Variants in DAB2IP observed in about 807,000 individuals in gnomAD.
DAB2IP encodes the protein DAB2 interacting protein, also known as disabled homolog 2-interacting protein.
Under a neutral mutation model 107.2 loss-of-function variants are expected in DAB2IP, and 28 were observed. That is an observed-to-expected ratio of 0.26 (90% confidence interval 0.19 to 0.36). The LOEUF is 0.36. DAB2IP is among the 10% of genes least tolerant of loss of function. The pLI, the probability that DAB2IP is intolerant of heterozygous loss-of-function variation, is 1.00. For missense variants in DAB2IP, 1,400 were observed against 1,644.7 expected (o/e 0.85, Z 2.57); for synonymous variants, 755 against 706.4 (o/e 1.07, Z -1.09).
rs1554718106 is a variant in DAB2IP, at chr9:121,641,935, T to TTCTTTCTTTCTTTCTTTCTTTCTG, written c.41-36740_41-36739insTTCTTTCTTTCTTTCTTTCTGTCT. Among the ~76,000 whole-genome samples, 32 of 113,698 alleles carry TTCTTTCTTTCTTTCTTTCTTTCTG rather than the reference T, an allele frequency of 2.8e-4. 1 individual carries two copies. Among genetic ancestry groups the TTCTTTCTTTCTTTCTTTCTTTCTG allele is most frequent in the African/African-American group, 8.9e-4 (21 of 23,486 alleles). 74.6% of individuals were successfully genotyped at this position (113,698 alleles called of 152,430 possible). On this transcript the variant is annotated intron_variant, in intron 1 of 16. Transcript: ENST00000259371. Reference sequence around the variant, plus strand: ...TTTCTTTCTTTCTTTCTTTCTTTCTTTCTCTCTTTCTTTCCTTTCTTTCTT... The same window carrying TTCTTTCTTTCTTTCTTTCTTTCTG: ...TTTCTTTCTTTCTTTCTTTCTTTCTTTCTTTCTTTCTTTCTTTCTTTCTGTCTCTCTTTCTTTCCTTTCTTTCTT...
intron 3 of DAB2IP, among the ~76,000 whole-genome samples, chr9:121,743,660 G>C (rs922012490): frequency 6.6e-6 from 1 of 152,238 alleles, no homozygotes; most frequent in African/African-American, 2.4e-5. Flanking sequence ...GCGGACAGCA[G>C]GAAGGCTCGC....
At chr9:121,718,887 T>TC (rs1412802367) in intron 3 of DAB2IP, among the ~76,000 whole-genome samples, 1 of 152,066 alleles carries the variant, frequency 6.6e-6, no homozygotes, top group African/African-American at 2.4e-5. Context: ...CTGGCTCTGC[T>TC]CCCCCTCCCC....
At chr9:121,742,973 T>C (rs555253979) in intron 3 of DAB2IP, 2 of 985,276 alleles carry the variant, frequency 2.0e-6, no homozygotes, top group Non-Finnish European at 2.4e-6. Flanking sequence ...GAAGAGACAC[T>C]GGAGGATGTG....
intron 1 of DAB2IP, among the ~76,000 whole-genome samples, chr9:121,579,551 G>T (rs1283582335): frequency 6.6e-6 from 1 of 151,948 alleles, no homozygotes; most frequent in Non-Finnish European, 1.5e-5. Context: ...GCCCCTACCT[G>T]GACCTTCTGC....
intron 1 of DAB2IP, among the ~76,000 whole-genome samples, chr9:121,596,472 G>A (rs114267907): frequency 0.027 from 4,082 of 152,208 alleles, 145 homozygotes; most frequent in African/African-American, 0.073. Flanking sequence ...CTATGATAGC[G>A]CCACTGCACT....
intron 1 of DAB2IP, among the ~76,000 whole-genome samples, chr9:121,587,947 T>C (rs963403839): frequency 3.3e-5 from 5 of 152,250 alleles, no homozygotes; most frequent in African/African-American, 1.2e-4. Context: ...GTATTTCATC[T>C]GGCAATCCTA....
chr9:121,725,077 T>G (rs1165531216), intron 3 of DAB2IP, among the ~76,000 whole-genome samples: 1 of 152,154 alleles, frequency 6.6e-6, no homozygotes, highest in East Asian at 1.9e-4. Flanking sequence ...TGGCTTTGGT[T>G]CCTGGCACGA....
At chr9:121,761,314 CGTG>C (rs1439425989) in intron 6 of DAB2IP, among the ~76,000 whole-genome samples, 1 of 152,250 alleles carries the variant, frequency 6.6e-6, no homozygotes, top group African/African-American at 2.4e-5. Flanking sequence ...GCCTCTGCAG[CGTG>C]GATGGACCCT....
chr9:121,575,797 CA>C (rs1227261356), intron 1 of DAB2IP, among the ~76,000 whole-genome samples: 1 of 152,152 alleles, frequency 6.6e-6, no homozygotes, highest in East Asian at 1.9e-4. Flanking sequence ...CTGGGCCTTC[CA>C]AAGCCAGAGC....
At chr9:121,725,674 C>G (rs1831205196) in intron 3 of DAB2IP, among the ~76,000 whole-genome samples, 2 of 152,188 alleles carry the variant, frequency 1.3e-5, no homozygotes, top group Admixed American at 6.5e-5. Context: ...AAGGAAGGCT[C>G]CACTGAGTTG....
intron 1 of DAB2IP, among the ~76,000 whole-genome samples, chr9:121,602,490 C>A (rs868088402): frequency 1.3e-5 from 2 of 152,158 alleles, no homozygotes; most frequent in Non-Finnish European, 2.9e-5. Context: ...AACTCCTGTG[C>A]TCCAGTGATC....
Position 121,615,421 on chromosome 9 carries a change from T to A in DAB2IP, c.40+48193T>A, listed in dbSNP as rs73546114. 9.1e-3 allele frequency among the ~76,000 whole-genome samples: 1,378 copies of A among 152,230 alleles called. 11 individuals are homozygous for A. The highest frequency in any genetic ancestry group is 0.048 in the Middle Eastern group (14 of 294). ...TCCTGGAGAGGTGGCGTTGTAGACA[T>A]CTATATAACAGTTTGATGCTATCTC... is the stretch of plus-strand genomic sequence containing the variant. On this transcript the variant is annotated intron_variant, in intron 1 of 16. Coordinates refer to the DAB2IP transcript ENST00000259371.
intron 3 of DAB2IP, chr9:121,751,067 GGCTGTGGACCTTTCCCTGCTGCCCGGCT>G (rs1833078912): frequency 5.1e-6 from 1 of 197,816 alleles, no homozygotes; most frequent in South Asian, 6.6e-5. Context: ...TGGGTTAGCT[GGCTGTGGACCTTTCCCTGCTGCCCGGCT>G]GCTGTGGACC....
intron 8 of DAB2IP, among the ~76,000 whole-genome samples, chr9:121,766,237 CCGGCCCTTCACTGAGAACCCA>C (rs1223710460): frequency 2.0e-5 from 3 of 152,204 alleles, no homozygotes; most frequent in African/African-American, 7.2e-5. Flanking sequence ...TCCCACCTGC[CCGGCCCTTCACTGAGAACCCA>C]CTGCCCGATG....
At chr9:121,719,290 C>T (rs980451308) in intron 3 of DAB2IP, among the ~76,000 whole-genome samples, 3 of 152,182 alleles carry the variant, frequency 2.0e-5, no homozygotes, top group African/African-American at 7.2e-5. Context: ...GCTTCTGTGC[C>T]TCTCTGCTGG....
At chr9:121,768,830 C>T (rs568042695) in intron 10 of DAB2IP, among the ~76,000 whole-genome samples, 197 bp downstream of exon 10, 5 of 152,342 alleles carry the variant, frequency 3.3e-5, no homozygotes, top group African/African-American at 1.2e-4. Flanking sequence ...GCAGTATCTG[C>T]CAAGGCTGCC....
intron 3 of DAB2IP, among the ~76,000 whole-genome samples, chr9:121,731,875 G>T (rs1264884314): frequency 6.6e-6 from 1 of 152,200 alleles, no homozygotes; most frequent in Non-Finnish European, 1.5e-5. Flanking sequence ...GACCTTTCAG[G>T]AAGCATGCAT....
chr9:121,713,362 A>T (rs935006666), intron 3 of DAB2IP, among the ~76,000 whole-genome samples: 3 of 152,018 alleles, frequency 2.0e-5, no homozygotes, highest in African/African-American at 7.3e-5. Context: ...GAGTGTCTAG[A>T]GGGTGGAGGC....
Position 121,782,261 on chromosome 9 carries a change from C to G in DAB2IP, c.3403-70C>G, listed in dbSNP as rs1835719174. 2 of 1,544,088 alleles carry G rather than the reference C, an allele frequency of 1.3e-6. No individual in the cohort carries two copies. Among genetic ancestry groups the G allele is most frequent in the Admixed American group, 1.8e-5 (1 of 54,084 alleles). On this transcript the variant is annotated intron_variant, in intron 15 of 15. Transcript: ENST00000408936. The surrounding 1 kb of genome is among the most constrained non-coding windows in gnomAD (Gnocchi z 6.1). ...CTCCAGGCCACCCCCTTCCCCGATG[C>G]TTGTCGTAGGTATACACAGCCCTAA...
Sources: allele counts gnomAD v4.1 joint callset (sites outside exome capture counted in the v4.1 genomes callset), GRCh38; gene constraint gnomAD v4.1.1; non-coding constraint Gnocchi (gnomAD v3.1); transcripts MANE v1.5; gene names NCBI Gene and HGNC (gene_info 2026-07-23, HGNC 2026-07-21).